Variants in SLC24A2 observed in about 807,000 individuals in gnomAD.
The protein encoded by SLC24A2 is sodium/potassium/calcium exchanger 2.
A neutral mutation model predicts 62.0 loss-of-function variants in SLC24A2; 36 were observed. That is an observed-to-expected ratio of 0.58 (90% CI 0.44 to 0.77). SLC24A2 has a LOEUF of 0.77. Ranked by LOEUF, SLC24A2 falls within the 30% of genes least tolerant of loss-of-function variation. SLC24A2 has a pLI of 0.00. For synonymous variants in SLC24A2, 358 were observed against 294.0 expected (o/e 1.22, Z -2.23); for missense variants, 846 against 817.9 (o/e 1.03, Z -0.42).
the SLC24A2 span, among the ~76,000 whole-genome samples, chr9:19,954,484 G>A: frequency 6.6e-6 from 1 of 152,016 alleles, no homozygotes; most frequent in Admixed American, 6.6e-5. Context: ...GGCTATCCCA[G>A]ATAAACAGGG....
At chr9:20,301,846 T>C in the SLC24A2 span, among the ~76,000 whole-genome samples, 1 of 152,214 alleles carries the variant, frequency 6.6e-6, no homozygotes, top group African/African-American at 2.4e-5. Flanking sequence ...TCCACTATTA[T>C]AGTATCATTC....
chr9:19,712,130 A>G (rs1299730343), intron 2 of SLC24A2, among the ~76,000 whole-genome samples: 1 of 152,198 alleles, frequency 6.6e-6, no homozygotes, highest in Non-Finnish European at 1.5e-5. Flanking sequence ...GATAAGAGCA[A>G]TACAGAAAAC....
the SLC24A2 span, among the ~76,000 whole-genome samples, chr9:19,956,105 G>A: frequency 6.6e-6 from 1 of 152,218 alleles, no homozygotes; most frequent in African/African-American, 2.4e-5. Flanking sequence ...GGAGAGGAGA[G>A]TCCAGTTTCA....
chr9:19,856,884 A>G, the SLC24A2 span, among the ~76,000 whole-genome samples: 1 of 152,180 alleles, frequency 6.6e-6, no homozygotes, highest in Admixed American at 6.5e-5. Flanking sequence ...CCTTATCTGG[A>G]CTGCTTGGCC....
chr9:20,008,030 A>T, the SLC24A2 span, among the ~76,000 whole-genome samples: 1 of 150,756 alleles, frequency 6.6e-6, no homozygotes, highest in African/African-American at 2.4e-5. Context: ...CGAGTAGCTG[A>T]GACTACAGGT....
the SLC24A2 span, among the ~76,000 whole-genome samples, chr9:20,230,930 C>G: frequency 1.3e-5 from 2 of 152,184 alleles, no homozygotes; most frequent in Admixed American, 6.5e-5. Flanking sequence ...AGGAAGTGAT[C>G]CAGTCTCAGC....
chr9:19,686,927 G>T (rs886889194), intron 2 of SLC24A2, among the ~76,000 whole-genome samples: 4 of 152,056 alleles, frequency 2.6e-5, no homozygotes, highest in Admixed American at 1.3e-4. Flanking sequence ...TGTGATACAT[G>T]TACACCATGG....
chr9:20,180,866 G>A, the SLC24A2 span, among the ~76,000 whole-genome samples: 1 of 152,236 alleles, frequency 6.6e-6, no homozygotes, highest in African/African-American at 2.4e-5. Context: ...AGCATAGCTT[G>A]CCACTAAAAG....
intron 2 of SLC24A2, among the ~76,000 whole-genome samples, chr9:19,682,468 A>T (rs1819750891): frequency 6.6e-6 from 1 of 152,166 alleles, no homozygotes; most frequent in Non-Finnish European, 1.5e-5. Context: ...CCCTTCTGTA[A>T]ATTTTAACTA....
chr9:20,224,258 G>C, the SLC24A2 span, among the ~76,000 whole-genome samples: 3 of 151,618 alleles, frequency 2.0e-5, no homozygotes, highest in Admixed American at 6.6e-5. Context: ...AGAAAATAAG[G>C]TAGAATGTCT....
intron 7 of SLC24A2, among the ~76,000 whole-genome samples, chr9:19,568,736 C>A (rs541552687): frequency 6.6e-6 from 1 of 152,282 alleles, no homozygotes; most frequent in South Asian, 2.1e-4. Flanking sequence ...ATTCATTTAA[C>A]CCATTATTAT....
chr9:19,574,712 T>A (rs1168631568), intron 6 of SLC24A2, among the ~76,000 whole-genome samples: 1 of 152,200 alleles, frequency 6.6e-6, no homozygotes, highest in African/African-American at 2.4e-5. Context: ...GAATAATTTT[T>A]TTTTTGTCAT....
At chr9:20,038,475 T>A in the SLC24A2 span, among the ~76,000 whole-genome samples, 1 of 152,172 alleles carries the variant, frequency 6.6e-6, no homozygotes, top group African/African-American at 2.4e-5. Flanking sequence ...GAAGCCTGAC[T>A]CAACGCAGTG....
At chr9:20,107,370 A>T in the SLC24A2 span, among the ~76,000 whole-genome samples, 1 of 151,636 alleles carries the variant, frequency 6.6e-6, no homozygotes, top group South Asian at 2.1e-4. Flanking sequence ...GAACCAAAAA[A>T]GAGCCCACAT....
At position 19,681,807 on chromosome 9, in the gene SLC24A2, T is replaced by C. The variant is rs183795742; in HGVS notation, c.931-59508A>G. ...TTAACATGAGCATTTCAGAGACATA[T>C]TGAGGATCTATAGATTAGTGAGTGG... is the stretch of plus-strand genomic sequence containing the variant. On this transcript the variant is annotated intron_variant, in intron 2 of 10. Coordinates refer to ENST00000341998, the MANE Select transcript of SLC24A2 (RefSeq NM_020344.4). 2.0e-3 allele frequency among the ~76,000 whole-genome samples: 311 copies of C among 152,326 alleles called. 6 individuals carry two copies. Among genetic ancestry groups the C allele is most frequent in the Non-Finnish European group, 1.6e-3 (107 of 68,020 alleles).
intron 7 of SLC24A2, among the ~76,000 whole-genome samples, chr9:19,556,993 G>A (rs1160573429): frequency 6.6e-6 from 1 of 152,166 alleles, no homozygotes; most frequent in African/African-American, 2.4e-5. Context: ...CCCAAGAAAA[G>A]GAGCTCCAGA....
chr9:19,906,261 G>C, the SLC24A2 span, among the ~76,000 whole-genome samples: 1 of 151,092 alleles, frequency 6.6e-6, no homozygotes, highest in African/African-American at 2.4e-5. Context: ...CAGAAATAAA[G>C]ATGTTCTTTG....
In SLC24A2 at chr9:19,512,034, C is replaced by T. The variant is rs1832734267; in HGVS notation, c.*4119G>A. The T allele has an allele frequency of 6.6e-6, 1 of 152,372 alleles. No individual in the cohort carries two copies. Among genetic ancestry groups the T allele is most frequent in the African/African-American group, 2.4e-5 (1 of 41,460 alleles). The allele number at this position is 152,372 out of a possible 1,614,324, so 9.4% of individuals were successfully genotyped here. On this transcript the variant is annotated 3_prime_UTR_variant, in exon 11 of 11. Transcript: ENST00000341998. ...CTTCAGCTCTATCTGGCCAGCCACTCTACCAGGTGTCTTTTCTTTGGTCAA... is the reference window on the plus strand; with the variant it reads ...CTTCAGCTCTATCTGGCCAGCCACTTTACCAGGTGTCTTTTCTTTGGTCAA...
At chr9:20,100,177 T>G in the SLC24A2 span, among the ~76,000 whole-genome samples, 1 of 148,168 alleles carries the variant, frequency 6.7e-6, no homozygotes, top group African/African-American at 2.4e-5. Flanking sequence ...TGGCTAACTT[T>G]TTGTGTGTGT....
Sources: allele counts gnomAD v4.1 joint callset (sites outside exome capture counted in the v4.1 genomes callset), GRCh38; gene constraint gnomAD v4.1.1; transcripts MANE v1.5; gene names NCBI Gene and HGNC (gene_info 2026-07-23, HGNC 2026-07-21).